Variants in PDE4D observed in about 807,000 individuals in gnomAD.
PDE4D encodes the protein phosphodiesterase 4D.
A neutral mutation model predicts 87.4 loss-of-function variants in PDE4D; 24 were observed. That is an observed-to-expected ratio of 0.27 (90% CI 0.20 to 0.39). The LOEUF is 0.39. Ranked by LOEUF, PDE4D falls within the 10% of genes least tolerant of loss-of-function variation. The pLI is 1.00. For missense variants in PDE4D, 714 were observed against 1,041.0 expected (o/e 0.69, Z 4.32); for synonymous variants, 384 against 383.2 (o/e 1.00, Z -0.02).
chr5:59,619,136 T>G (rs1830058208), intron 1 of PDE4D, among the ~76,000 whole-genome samples: 1 of 152,230 alleles, frequency 6.6e-6, no homozygotes, highest in African/African-American at 2.4e-5. Flanking sequence ...GAGGGATAAA[T>G]AAAACAATTC....
At chr5:59,102,468 TA>T (rs1171072722) in intron 5 of PDE4D, among the ~76,000 whole-genome samples, 1 of 152,186 alleles carries the variant, frequency 6.6e-6, no homozygotes, top group Non-Finnish European at 1.5e-5. Context: ...AGTAATCAAA[TA>T]GTTTTAATAA....
At position 60,038,048 on chromosome 5, in the gene PDE4D, C is replaced by T. The variant is rs572485484; in HGVS notation, c.43-49331G>A. ...TTAAAAAATATAGATGAGTAGGTCG[C>T]GAAAATTTTCTCCCATTTTGTAGGT... On this transcript the variant is annotated intron_variant, in intron 2 of 16. Transcript: ENST00000502484. Among the ~76,000 whole-genome samples, 56 of 152,144 alleles carry T rather than the reference C, an allele frequency of 3.7e-4. 2 individuals carry two copies. The highest frequency in any genetic ancestry group is 7.9e-4 in the Admixed American group (12 of 15,268).
intron 5 of PDE4D, among the ~76,000 whole-genome samples, chr5:59,121,150 T>C (rs57514625): frequency 0.44 from 66,926 of 152,046 alleles, 15,236 homozygotes; most frequent in African/African-American, 0.48. Flanking sequence ...AAAGATTTTA[T>C]GGCTAAAACC....
chr5:59,313,712 A>G (rs1314285996), intron 1 of PDE4D, among the ~76,000 whole-genome samples: 1 of 152,208 alleles, frequency 6.6e-6, no homozygotes, highest in Non-Finnish European at 1.5e-5. Context: ...AGAACCAAAT[A>G]TATATACAGA....
intron 1 of PDE4D, among the ~76,000 whole-genome samples, chr5:59,349,709 T>C (rs1396289461): frequency 6.6e-6 from 1 of 152,212 alleles, no homozygotes; most frequent in South Asian, 2.1e-4. Context: ...ATCCACAGCA[T>C]GATTATAAAC....
intron 1 of PDE4D, among the ~76,000 whole-genome samples, chr5:60,437,448 G>C (rs1045567325): frequency 1.3e-5 from 2 of 152,066 alleles, no homozygotes; most frequent in African/African-American, 4.8e-5. Flanking sequence ...TTTCACATTT[G>C]ACTCTACAGC....
intron 1 of PDE4D, chr5:60,521,470 T>C (rs192420625): frequency 7.0e-4 from 106 of 152,268 alleles, no homozygotes; most frequent in African/African-American, 2.5e-3. Context: ...AGTATGGTAC[T>C]GGGAAAAAGA....
intron 5 of PDE4D, chr5:59,174,384 A>T (rs1255110212): frequency 6.6e-6 from 1 of 152,640 alleles, no homozygotes; most frequent in Non-Finnish European, 1.5e-5. Context: ...CTGGACTAAA[A>T]CCACTTCTGT....
intron 1 of PDE4D, among the ~76,000 whole-genome samples, chr5:59,455,057 G>T (rs367974159): frequency 7.2e-5 from 11 of 152,328 alleles, no homozygotes; most frequent in African/African-American, 2.4e-4. Context: ...TGGAAAATTT[G>T]CAGCCTGACA....
At chr5:60,127,632 A>G (rs970134009) in intron 2 of PDE4D, 1 of 574,442 alleles carries the variant, frequency 1.7e-6, no homozygotes, top group Non-Finnish European at 3.1e-6. Context: ...GACTGTTGAT[A>G]TTCATAGTTT....
chr5:59,763,272 T>C (rs1762391995), intron 1 of PDE4D, among the ~76,000 whole-genome samples: 1 of 151,752 alleles, frequency 6.6e-6, no homozygotes, highest in Non-Finnish European at 1.5e-5. Context: ...CATGTATACA[T>C]ATGTAACTAA....
At chr5:60,364,611 C>T (rs1037424197) in intron 1 of PDE4D, among the ~76,000 whole-genome samples, 2 of 151,766 alleles carry the variant, frequency 1.3e-5, no homozygotes, top group Admixed American at 6.6e-5. Flanking sequence ...TCATTTTTTT[C>T]TCAAGCAAAA....
intron 1 of PDE4D, among the ~76,000 whole-genome samples, chr5:60,229,058 A>G (rs1048351274): frequency 6.6e-6 from 1 of 152,160 alleles, no homozygotes; most frequent in Non-Finnish European, 1.5e-5. Context: ...CAATTTCAAT[A>G]TAAGTCTGCT....
chr5:59,638,145 T>C (rs905167221), intron 1 of PDE4D, among the ~76,000 whole-genome samples: 1 of 152,104 alleles, frequency 6.6e-6, no homozygotes, highest in Non-Finnish European at 1.5e-5. Context: ...GTAAAGTGAT[T>C]TGAGAAGGGA....
At chr5:60,122,202 A>G (rs1215006520) in intron 2 of PDE4D, among the ~76,000 whole-genome samples, 1 of 152,180 alleles carries the variant, frequency 6.6e-6, no homozygotes, top group African/African-American at 2.4e-5. Context: ...TTCCAGGCAC[A>G]TGCTTCAAGC....
intron 1 of PDE4D, among the ~76,000 whole-genome samples, chr5:60,214,517 G>A: frequency 6.6e-6 from 1 of 152,068 alleles, no homozygotes; most frequent in East Asian, 1.9e-4. Flanking sequence ...AATGAATTTA[G>A]TATAACTACT....
intron 1 of PDE4D, among the ~76,000 whole-genome samples, chr5:60,390,125 A>G (rs1262795104): frequency 6.6e-6 from 1 of 151,836 alleles, no homozygotes; most frequent in African/African-American, 2.4e-5. Context: ...ACATCTCTCT[A>G]CTTCTTAGCT....
At chr5:59,268,313 T>C (rs1274319522) in intron 1 of PDE4D, among the ~76,000 whole-genome samples, 1 of 152,104 alleles carries the variant, frequency 6.6e-6, no homozygotes, top group Admixed American at 6.6e-5. Context: ...TCTGGCATTC[T>C]TCCTACTTTC....
intron 1 of PDE4D, among the ~76,000 whole-genome samples, chr5:59,653,984 T>C (rs967241952): frequency 6.6e-6 from 1 of 151,762 alleles, no homozygotes; most frequent in African/African-American, 2.4e-5. Context: ...GGCCTGCAGA[T>C]CCCTTAAGCC....
Sources: gnomAD v4.1 joint callset for allele counts (sites outside exome capture counted in the v4.1 genomes callset) on GRCh38, gnomAD v4.1.1 for gene constraint, MANE v1.5 for transcripts, NCBI Gene and HGNC (gene_info 2026-07-23, HGNC 2026-07-21) for gene names.